Variants in SUMF1 observed in about 807,000 individuals in gnomAD.
SUMF1 encodes formylglycine-generating enzyme.
SUMF1 carries 48 observed loss-of-function variants against 47.6 expected under a neutral mutation model. The ratio of observed to expected loss-of-function variants is 1.01; its 90% CI spans 0.80 to 1.28. SUMF1 has a LOEUF of 1.28. SUMF1 is among the 50% of genes most tolerant of loss of function. The pLI is 0.00. For synonymous variants in SUMF1, 230 were observed against 192.1 expected (o/e 1.20, Z -1.63); for missense variants, 571 against 485.4 (o/e 1.18, Z -1.66).
chr3:4,086,540 T>G (rs1394593990), intron 8 of SUMF1, among the ~76,000 whole-genome samples: 1 of 152,130 alleles, frequency 6.6e-6, no homozygotes. Flanking sequence ...GAATTCCTCA[T>G]CTATTAAATA....
intron 3 of SUMF1, among the ~76,000 whole-genome samples, chr3:4,429,394 A>G (rs948594525): frequency 1.3e-5 from 2 of 152,260 alleles, no homozygotes; most frequent in Admixed American, 1.3e-4. Context: ...GGGAAATTAC[A>G]GAAAGTTGGA....
chr3:4,323,400 A>T (rs1399455572), intron 8 of SUMF1, among the ~76,000 whole-genome samples: 1 of 152,172 alleles, frequency 6.6e-6, no homozygotes, highest in Non-Finnish European at 1.5e-5. Flanking sequence ...GAGTATAGGG[A>T]TTGACTGCTA....
chr3:4,156,511 T>A (rs1694456078), intron 8 of SUMF1, among the ~76,000 whole-genome samples: 1 of 151,622 alleles, frequency 6.6e-6, no homozygotes, highest in Non-Finnish European at 1.5e-5. Flanking sequence ...CAGAAAGGCA[T>A]CTATCAATAA....
chr3:4,280,621 A>T (rs1434719449), intron 8 of SUMF1, among the ~76,000 whole-genome samples: 1 of 152,218 alleles, frequency 6.6e-6, no homozygotes, highest in Non-Finnish European at 1.5e-5. Context: ...AACACGCCAC[A>T]AACTGAGAAG....
chr3:4,061,646 G>A (rs1183788418), intron 9 of SUMF1, among the ~76,000 whole-genome samples: 3 of 152,076 alleles, frequency 2.0e-5, no homozygotes, highest in Admixed American at 6.6e-5. Flanking sequence ...AGACCAAACT[G>A]CTGGCATTTT....
intron 8 of SUMF1, among the ~76,000 whole-genome samples, chr3:4,192,283 G>A (rs1423808643): frequency 6.6e-6 from 1 of 152,076 alleles, no homozygotes; most frequent in Non-Finnish European, 1.5e-5. Flanking sequence ...TAAACTTCCA[G>A]TTCCAACTCT....
At chr3:4,331,514 C>A (rs934830538) in intron 8 of SUMF1, among the ~76,000 whole-genome samples, 2 of 152,166 alleles carry the variant, frequency 1.3e-5, no homozygotes, top group Admixed American at 1.3e-4. Flanking sequence ...TAGGCCTAGT[C>A]ATAGCCTAAA....
At chr3:4,358,854 T>C (rs980740413), downstream of SUMF1, among the ~76,000 whole-genome samples, 6 of 152,212 alleles carry the variant, frequency 3.9e-5, no homozygotes, top group African/African-American at 1.4e-4. Context: ...CTGAAGGTCT[T>C]ACACCTTGGA....
At chr3:4,325,722 A>G (rs1352750878) in intron 8 of SUMF1, among the ~76,000 whole-genome samples, 1 of 152,170 alleles carries the variant, frequency 6.6e-6, no homozygotes, top group African/African-American at 2.4e-5. Context: ...TTTAGTTTCT[A>G]GTGATTCCAA....
At chr3:4,270,645 A>G (rs2125035324) in intron 8 of SUMF1, among the ~76,000 whole-genome samples, 2 of 152,344 alleles carry the variant, frequency 1.3e-5, no homozygotes, top group Middle Eastern at 6.8e-3. Context: ...AAATAGCATT[A>G]AACTTTGCCT....
At chr3:4,043,598 T>C (rs1694949341) in intron 9 of SUMF1, among the ~76,000 whole-genome samples, 1 of 152,078 alleles carries the variant, frequency 6.6e-6, no homozygotes, top group South Asian at 2.1e-4. Flanking sequence ...CAGTTCTCTA[T>C]TAATTTAAAA....
At chr3:4,291,435 G>C (rs1697740951) in intron 8 of SUMF1, among the ~76,000 whole-genome samples, 1 of 151,768 alleles carries the variant, frequency 6.6e-6, no homozygotes, top group South Asian at 2.1e-4. Flanking sequence ...TCACTCTAAA[G>C]TGCCTTCCTC....
chr3:4,304,775 A>C (rs923372481), intron 8 of SUMF1, among the ~76,000 whole-genome samples: 1 of 152,140 alleles, frequency 6.6e-6, no homozygotes, highest in Non-Finnish European at 1.5e-5. Context: ...ACTCTAAAAT[A>C]TTTGAAGAGA....
intron 8 of SUMF1, among the ~76,000 whole-genome samples, chr3:4,192,289 A>G (rs987179359): frequency 6.6e-6 from 1 of 151,976 alleles, no homozygotes; most frequent in Non-Finnish European, 1.5e-5. Context: ...TCCAGTTCCA[A>G]CTCTGCCACT....
At position 4,257,993 on chromosome 3, in the gene SUMF1, C is replaced by G. The variant is rs202039502; in HGVS notation, c.1014+118337G>C. Among the ~76,000 whole-genome samples the G allele has an allele frequency of 3.0e-3, 457 of 151,564 alleles. 1 individual carries two copies. The highest frequency in any genetic ancestry group is 0.023 in the East Asian group (116 of 5,098). On this transcript the variant is annotated intron_variant and NMD_transcript_variant, in intron 8 of 12. Coordinates refer to the SUMF1 transcript ENST00000448413. ...ACTATCTGATCTTTGACAAACCTGACAAAAACAAGCAATGGGGAAAGGATT... is the reference window on the plus strand; with the variant it reads ...ACTATCTGATCTTTGACAAACCTGAGAAAAACAAGCAATGGGGAAAGGATT...
At chr3:4,431,161 G>A (rs1702220361) in intron 3 of SUMF1, among the ~76,000 whole-genome samples, 1 of 152,160 alleles carries the variant, frequency 6.6e-6, no homozygotes, top group Non-Finnish European at 1.5e-5. Flanking sequence ...GGCAAATAGA[G>A]ATGGGTCAAT....
intron 7 of SUMF1, among the ~76,000 whole-genome samples, chr3:4,395,017 C>T (rs1700996491): frequency 6.6e-6 from 1 of 152,144 alleles, no homozygotes; most frequent in Non-Finnish European, 1.5e-5. Context: ...ACCATACCAT[C>T]CATTTGTTGA....
At chr3:4,326,522 G>GTTTTTT (rs35648890) in intron 8 of SUMF1, among the ~76,000 whole-genome samples, 1 of 128,698 alleles carries the variant, frequency 7.8e-6, no homozygotes, top group African/African-American at 3.4e-5. Context: ...TTTTCCAAGG[G>GTTTTTT]TTTTTTTTTT....
intron 7 of SUMF1, among the ~76,000 whole-genome samples, chr3:4,399,957 C>T (rs1013046095): frequency 6.6e-6 from 1 of 152,110 alleles, no homozygotes; most frequent in African/African-American, 2.4e-5. Context: ...TGGAGTTTCA[C>T]CATGTTAGCC....
Sources: gnomAD v4.1 joint callset for allele counts (sites outside exome capture counted in the v4.1 genomes callset) on GRCh38, gnomAD v4.1.1 for gene constraint, MANE v1.5 for transcripts, NCBI Gene and HGNC (gene_info 2026-07-23, HGNC 2026-07-21) for gene names.